The following AP1S1 variants were observed in gnomAD, a reference collection of about 807,000 sequenced individuals.
The protein encoded by AP1S1 is adaptor related protein complex 1 subunit sigma 1.
Under a neutral mutation model 23.9 loss-of-function variants are expected in AP1S1, and 13 were observed. The ratio of observed to expected loss-of-function variants is 0.54; its 90% CI spans 0.35 to 0.86. The LOEUF (loss-of-function observed/expected upper bound fraction) is 0.86. AP1S1 is among the 40% of genes least tolerant of loss of function. The pLI is 0.01. For missense variants in AP1S1, 119 were observed against 197.6 expected (o/e 0.60, Z 2.38); for synonymous variants, 84 against 77.7 (o/e 1.08, Z -0.43).
At chr7:101,159,429 CCTT>C (rs1172486233) in intron 4 of AP1S1, 7 of 550,574 alleles carry the variant, frequency 1.3e-5, no homozygotes, top group Admixed American at 3.6e-5. Context: ...CAAGCTCTGT[CCTT>C]CTCCCAAGCC....
intron 3 of AP1S1, among the ~76,000 whole-genome samples, chr7:101,158,118 T>C (rs1797023421): frequency 6.6e-6 from 1 of 152,232 alleles, no homozygotes; most frequent in Non-Finnish European, 1.5e-5. Flanking sequence ...CACTGGTTGC[T>C]GATCTTGGAT....
At position 101,156,672 on chromosome 7, in the gene AP1S1, C is replaced by T. The variant is rs1485278783; in HGVS notation, c.82C>T (p.Arg28Trp). The change falls in exon 2 of 5, where the codon CGG (arginine) becomes TGG (tryptophan). Residue 28 changes from arginine to tryptophan, a missense_variant. Physicochemically the swap from Arg to Trp is moderately radical, Grantham distance 101. Coordinates refer to ENST00000337619, the MANE Select transcript of AP1S1 (RefSeq NM_001283.5). Reference protein sequence around the residue: ...KWYLATSDKERKKMVRELMQV... With the variant: ...KWYLATSDKEWKKMVRELMQV... ...GTACCTGGCCACTTCGGACAAGGAA[C>T]GGAAGAAGATGGTGCGCGAGCTCAT... 4.3e-6 allele frequency: 7 copies of T among 1,611,690 alleles called. No individual in the cohort carries two copies. Among genetic ancestry groups the T allele is most frequent in the South Asian group, 2.2e-5 (2 of 90,390 alleles).
intron 2 of AP1S1, 106 bp downstream of exon 2, chr7:101,156,878 G>T: frequency 1.1e-6 from 1 of 948,938 alleles, no homozygotes; most frequent in Non-Finnish European, 1.4e-6. Context: ...GGGAGCTGAG[G>T]ACATCTGGAG....
rs1469295693 is a variant in AP1S1, at chr7:101,160,957, C to CCTACCT, written c.*393_*398dup. On this transcript the variant is annotated 3_prime_UTR_variant, in exon 5 of 5. Coordinates refer to ENST00000337619, the MANE Select transcript of AP1S1 (RefSeq NM_001283.5). The stretch of plus-strand genomic sequence containing the variant: ...ACTTCTTGTCCTCTCTGTCCCATAA[C>CCTACCT]CTACCTCCACCCTCCCCCTAGCCAG... 1 of 309,636 alleles carries CCTACCT rather than the reference C, an allele frequency of 3.2e-6. No individual in the cohort carries two copies. The allele number at this position is 309,636 out of a possible 1,614,324, so 19.2% of individuals were successfully genotyped here.
intron 2 of AP1S1, 31 bp from the exon 3 acceptor site, chr7:101,157,346 G>A: frequency 6.6e-7 from 1 of 1,517,594 alleles, no homozygotes; most frequent in Non-Finnish European, 8.9e-7. Flanking sequence ...AAGCAAGCTT[G>A]TAGCGATGTC....
chr7:101,160,873 C>T lies in AP1S1; in HGVS notation c.*307C>T, dbSNP rs1259020838. ...CTGATGTCACCCCAGATGTCCTTCC[C>T]TCCCTAATAACTGTAAATATATAAA... On this transcript the variant is annotated 3_prime_UTR_variant, in exon 5 of 5. Transcript: ENST00000337619. The T allele has an allele frequency of 3.4e-6, 2 of 592,832 alleles. No individual in the cohort carries two copies. Among genetic ancestry groups the T allele is most frequent in the African/African-American group, 3.7e-5 (2 of 54,614 alleles). 36.7% of individuals were successfully genotyped at this position (592,832 alleles called of 1,614,324 possible).
intron 1 of AP1S1, chr7:101,154,812 C>T (rs1796964905): frequency 2.3e-6 from 1 of 430,134 alleles, no homozygotes; most frequent in Non-Finnish European, 3.1e-6. Flanking sequence ...GTCCCTCGAT[C>T]CCCGCTGCAG....
Position 101,157,464 on chromosome 7 carries a change from C to G in AP1S1, c.270C>G (p.Leu90=), listed in dbSNP as rs371403691. Reference sequence around the variant, plus strand: ...AGCTGATCCACCGATACGTGGAGCTCTTAGACAAATACTTTGGCAGTGTAA... The same window carrying G: ...AGCTGATCCACCGATACGTGGAGCTGTTAGACAAATACTTTGGCAGTGTAA... ...TLELIHRYVE[L]LDKYFGSVCE... The change falls in exon 3 of 5, where the codon CTC becomes CTG. Residue 90 remains leucine, a synonymous_variant. Coordinates refer to ENST00000337619, the MANE Select transcript of AP1S1 (RefSeq NM_001283.5). 30 of 1,565,762 alleles carry G rather than the reference C, an allele frequency of 1.9e-5. No homozygotes were observed. Among genetic ancestry groups the G allele is most frequent in the Non-Finnish European group, 2.6e-5 (30 of 1,154,992 alleles).
At chr7:101,157,940 T>C (rs1391144914) in intron 3 of AP1S1, among the ~76,000 whole-genome samples, 1 of 152,046 alleles carries the variant, frequency 6.6e-6, no homozygotes, top group African/African-American at 2.4e-5. Flanking sequence ...TGCACACCAC[T>C]ATGCCCAGCT....
In AP1S1 at chr7:101,157,728, G is replaced by A. The variant is rs117188154; in HGVS notation, c.291+243G>A. Among the ~76,000 whole-genome samples the A allele has an allele frequency of 4.8e-4, 73 of 152,250 alleles. 1 individual carries two copies. In the East Asian group the frequency reaches 0.012, roughly 25 times the overall value. Reference sequence around the variant, plus strand: ...TTAATCTCCACTTAGAGCTTAGCTCGGACTTTTCACACAGAGACCAAGTTC... The same window carrying A: ...TTAATCTCCACTTAGAGCTTAGCTCAGACTTTTCACACAGAGACCAAGTTC... On this transcript the variant is annotated intron_variant, in intron 3 of 4. Transcript: ENST00000337619.
intron 1 of AP1S1, chr7:101,154,873 A>T: frequency 1.1e-6 from 1 of 886,278 alleles, no homozygotes; most frequent in Middle Eastern, 4.2e-4. Context: ...TGAGGGAGGG[A>T]GCGGGGGTCA....
chr7:101,159,242 G>A (rs756629331), intron 4 of AP1S1, 46 bp downstream of exon 4: 19 of 1,568,688 alleles, frequency 1.2e-5, no homozygotes, highest in Non-Finnish European at 1.6e-5. Context: ...GCACAGTGGC[G>A]GACAGGGTCC....
chr7:101,157,024 C>T lies in AP1S1; in HGVS notation c.182+252C>T, dbSNP rs35811390. Among the ~76,000 whole-genome samples, 65,521 of 151,434 alleles carry T rather than the reference C, an allele frequency of 0.43. 16,146 individuals carry two copies. The highest frequency in any genetic ancestry group is 0.53 in the Non-Finnish European group (35,956 of 67,870). ...ACGTGTCCCTTTGGGCCCTGTCTTG[C>T]CCCACTGCGCATGTCCCTTGCAGTC... On this transcript the variant is annotated intron_variant, in intron 2 of 4. Coordinates refer to ENST00000337619, the MANE Select transcript of AP1S1 (RefSeq NM_001283.5).
chr7:101,160,811 G>T lies in AP1S1; in HGVS notation c.*245G>T. ...AGGCAGGAAAATGTGACCCAGATGG[G>T]GGTGCTATTTGGCTTTTATTCCCTG... On this transcript the variant is annotated 3_prime_UTR_variant, in exon 5 of 5. Transcript: ENST00000337619. The T allele has an allele frequency of 1.5e-6, 1 of 689,536 alleles. No homozygotes were observed. 42.7% of individuals were successfully genotyped at this position (689,536 alleles called of 1,614,324 possible).
In AP1S1 at chr7:101,156,649, A is replaced by C; in HGVS notation, c.59A>C (p.Tyr20Ser). The C allele has an allele frequency of 6.2e-7, 1 of 1,612,186 alleles. No individual in the cohort carries two copies. Among genetic ancestry groups the C allele is most frequent in the Non-Finnish European group, 8.5e-7 (1 of 1,179,268 alleles). ...GGAAAACTGCGGCTGCAAAAATGGT[A>C]CCTGGCCACTTCGGACAAGGAACGG... ...RQGKLRLQKW[Y>S]LATSDKERKK... The change falls in exon 2 of 5, where the codon TAC (tyrosine) becomes TCC (serine). Residue 20 changes from tyrosine to serine, a missense_variant. Physicochemically the swap from Tyr to Ser is moderately radical, Grantham distance 144 (BLOSUM62 -2). Coordinates refer to ENST00000337619, the MANE Select transcript of AP1S1 (RefSeq NM_001283.5).
intron 1 of AP1S1, among the ~76,000 whole-genome samples, chr7:101,156,181 G>A (rs563241227): frequency 6.6e-6 from 1 of 152,282 alleles, no homozygotes; most frequent in South Asian, 2.1e-4. Context: ...GCACTGAACA[G>A]TGATTGCGCC....
rs1371815440 is a variant in AP1S1 at position 101,156,708 on chromosome 7, C to G, written c.118C>G (p.Leu40Val). The G allele has an allele frequency of 6.2e-7, 1 of 1,606,796 alleles. No individual in the cohort carries two copies. Among genetic ancestry groups the G allele is most frequent in the South Asian group, 1.1e-5 (1 of 89,406 alleles). The change falls in exon 2 of 5, where the codon CTG (leucine) becomes GTG (valine). Residue 40 changes from leucine (L) to valine (V), a missense_variant. By Grantham distance (32) the Leu-to-Val change is conservative (BLOSUM62 1). Coordinates refer to ENST00000337619, the MANE Select transcript of AP1S1 (RefSeq NM_001283.5). Reference protein sequence around the residue: ...KMVRELMQVVLARKPKMCSFL... With the variant: ...KMVRELMQVVVARKPKMCSFL... ...GGTGCGCGAGCTCATGCAGGTTGTC[C>G]TGGCTCGAAAGCCCAAGATGTGCAG...
At position 101,161,213 on chromosome 7, in the gene AP1S1, G is replaced by C. The variant is rs3188428; in HGVS notation, c.*647G>C. On this transcript the variant is annotated 3_prime_UTR_variant, in exon 5 of 5. Transcript: ENST00000337619. ...GGCAGGAGCTGGGAGGGGTGGGGAGGGGGAGGGGGAAGTGTCTGCCTTTAT... is the reference window on the plus strand; with the variant it reads ...GGCAGGAGCTGGGAGGGGTGGGGAGCGGGAGGGGGAAGTGTCTGCCTTTAT... 5 of 185,562 alleles carry C rather than the reference G, an allele frequency of 2.7e-5. No individual in the cohort carries two copies. The highest frequency in any genetic ancestry group is 1.6e-4 in the East Asian group (1 of 6,116). The allele number at this position is 185,562 out of a possible 1,614,324, so 11.5% of individuals were successfully genotyped here.
At position 101,156,686 on chromosome 7, in the gene AP1S1, G is replaced by A; in HGVS notation, c.96G>A (p.Val32=). The A allele has an allele frequency of 1.9e-6, 3 of 1,610,668 alleles. No individual in the cohort carries two copies. The highest frequency in any genetic ancestry group is 1.1e-5 in the South Asian group (1 of 90,072). The part of the protein sequence containing the change: ...ATSDKERKKM[V]RELMQVVLAR... ...CGGACAAGGAACGGAAGAAGATGGT[G>A]CGCGAGCTCATGCAGGTTGTCCTGG... The change falls in exon 2 of 5, where the codon GTG becomes GTA. Residue 32 remains valine, a synonymous_variant. Coordinates refer to ENST00000337619, the MANE Select transcript of AP1S1 (RefSeq NM_001283.5).
Sources: gnomAD v4.1 joint callset for allele counts (sites outside exome capture counted in the v4.1 genomes callset) on GRCh38, gnomAD v4.1.1 for gene constraint, MANE v1.5 for transcripts, NCBI Gene and HGNC (gene_info 2026-07-23, HGNC 2026-07-21) for gene names.